The following STK38L variants were observed in gnomAD, a reference collection of about 807,000 sequenced individuals.
STK38L encodes the protein serine/threonine-protein kinase 38-like.
Under a neutral mutation model 59.7 loss-of-function variants are expected in STK38L, and 28 were observed. The observed-to-expected ratio is 0.47, with a 90% CI of 0.35 to 0.64. STK38L has a LOEUF of 0.64. Among genes scored for constraint, STK38L ranks in the 30% least tolerant of loss-of-function variants. The pLI, the probability that STK38L is intolerant of heterozygous loss-of-function variation, is 0.01. For missense variants in STK38L, 314 were observed against 555.8 expected (o/e 0.56, Z 4.37); for synonymous variants, 162 against 176.8 (o/e 0.92, Z 0.66).
rs940284305 is a variant in STK38L, at chr12:27,319,547, G to A, written c.1175+124G>A. The A allele has an allele frequency of 1.0e-4, 63 of 612,790 alleles. No homozygotes were observed. In the East Asian group the frequency reaches 1.8e-3, roughly 17 times the overall value. 38.0% of individuals were successfully genotyped at this position (612,790 alleles called of 1,614,324 possible). A position where few individuals can be genotyped will look rare whatever the true frequency, so the allele number is the denominator to read the frequency against. ...GTAACATATAATGTCATTAAGTGCA[G>A]TGTTTTCTGGATTATGTAAGTGAGT... On this transcript the variant is annotated intron_variant, in intron 12 of 13. Coordinates refer to ENST00000389032, the MANE Select transcript of STK38L (RefSeq NM_015000.4).
rs1205983990 is a variant in STK38L at position 27,312,521 on chromosome 12, T to G, written c.394-28T>G. 26 of 1,609,624 alleles carry G rather than the reference T, an allele frequency of 1.6e-5. No individual in the cohort carries two copies. The East Asian group carries it at 5.6e-4, about 35-fold the overall frequency. On this transcript the variant is annotated intron_variant, in intron 5 of 13. Coordinates refer to ENST00000389032, the MANE Select transcript of STK38L (RefSeq NM_015000.4). ...AACAAATGTGTGATGTATTTACAAT[T>G]ATTTTTTTCAAAAATATATTCATCT...
intron 2 of STK38L, among the ~76,000 whole-genome samples, chr12:27,301,450 C>T (rs950556133): frequency 6.6e-6 from 1 of 152,114 alleles, no homozygotes; most frequent in Non-Finnish European, 1.5e-5. Context: ...TTAGTAGACA[C>T]GGGGTTTCAC....
At chr12:27,247,548 A>G (rs536888665) in intron 1 of STK38L, among the ~76,000 whole-genome samples, 1 of 152,244 alleles carries the variant, frequency 6.6e-6, no homozygotes, top group Non-Finnish European at 1.5e-5. Context: ...AAATATAACT[A>G]TTGAGTGGGA....
chr12:27,310,556 AAAAT>A (rs959757607), intron 5 of STK38L, among the ~76,000 whole-genome samples: 16 of 147,680 alleles, frequency 1.1e-4, no homozygotes, highest in African/African-American at 3.0e-4. Flanking sequence ...GCTTGGTGCA[AAAAT>A]AAATAAATAA....
chr12:27,250,520 A>G (rs550198197), intron 1 of STK38L, among the ~76,000 whole-genome samples: 66 of 152,348 alleles, frequency 4.3e-4, no homozygotes, highest in African/African-American at 1.5e-3. Flanking sequence ...TATCAATGCC[A>G]GTAACCACTT....
At position 27,270,678 on chromosome 12, in the gene STK38L, C is replaced by T. The variant is rs373225237; in HGVS notation, c.-12+26346C>T. 3.2e-4 allele frequency among the ~76,000 whole-genome samples: 49 copies of T among 152,032 alleles called. No homozygotes were observed. In the South Asian group the frequency reaches 9.4e-3, roughly 29 times the overall value. On this transcript the variant is annotated intron_variant, in intron 1 of 13. Coordinates refer to ENST00000389032, the MANE Select transcript of STK38L (RefSeq NM_015000.4). The stretch of plus-strand genomic sequence containing the variant: ...CAGACGTGAGCCACCGCACCCAGCG[C>T]TTTTAAATTTTTTTTTATGGAGACA...
At chr12:27,290,618 A>G (rs1943876011) in intron 1 of STK38L, among the ~76,000 whole-genome samples, 1 of 152,186 alleles carries the variant, frequency 6.6e-6, no homozygotes, top group African/African-American at 2.4e-5. Context: ...TACTATCTTA[A>G]TTAGTCCCTC....
At chr12:27,285,089 C>T (rs1324022024) in intron 1 of STK38L, among the ~76,000 whole-genome samples, 3 of 152,098 alleles carry the variant, frequency 2.0e-5, no homozygotes, top group Non-Finnish European at 4.4e-5. Context: ...AAATTGTGAG[C>T]TTCGTGATAC....
chr12:27,278,415 G>A (rs957356024), intron 1 of STK38L, among the ~76,000 whole-genome samples: 2 of 152,108 alleles, frequency 1.3e-5, no homozygotes, highest in Non-Finnish European at 2.9e-5. Flanking sequence ...TTGTTTATAT[G>A]CTAATTGTTT....
chr12:27,261,005 G>T (rs1943193530), intron 1 of STK38L, among the ~76,000 whole-genome samples: 3 of 152,118 alleles, frequency 2.0e-5, no homozygotes, highest in African/African-American at 7.2e-5. Context: ...TGAACATTTT[G>T]TAATTTTTGT....
intron 1 of STK38L, among the ~76,000 whole-genome samples, chr12:27,291,080 T>C (rs1031983421): frequency 6.6e-6 from 1 of 152,200 alleles, no homozygotes; most frequent in African/African-American, 2.4e-5. Context: ...GAGAATTAAA[T>C]GCTTCTAAGA....
chr12:27,320,816 C>T (rs2346054), intron 12 of STK38L, among the ~76,000 whole-genome samples: 1 of 145,332 alleles, frequency 6.9e-6, no homozygotes, highest in African/African-American at 2.5e-5. Context: ...GAGTCTCACT[C>T]TGTCGCCCAG....
rs150656376 is a variant in STK38L, at chr12:27,253,358, C to A, written c.-12+9026C>A. 9.2e-5 allele frequency among the ~76,000 whole-genome samples: 14 copies of A among 152,180 alleles called. No homozygotes were observed. The East Asian group carries it at 2.7e-3, about 29-fold the overall frequency. ...AAAGAGAGTCCAGAAATGGGAAGAC[C>A]AGTGAAGAGACAAATAATCTAGGTG... On this transcript the variant is annotated intron_variant, in intron 1 of 13. Transcript: ENST00000389032.
intron 1 of STK38L, among the ~76,000 whole-genome samples, chr12:27,263,805 T>C (rs565478587): frequency 6.6e-5 from 10 of 152,310 alleles, no homozygotes; most frequent in Admixed American, 5.2e-4. Flanking sequence ...TAATAGAAGA[T>C]GACAACATAC....
chr12:27,248,702 T>C (rs1226554277), intron 1 of STK38L, among the ~76,000 whole-genome samples: 2 of 152,172 alleles, frequency 1.3e-5, no homozygotes, highest in Non-Finnish European at 2.9e-5. Flanking sequence ...CTTGACTCAA[T>C]GGGGTAGGTT....
intron 9 of STK38L, among the ~76,000 whole-genome samples, chr12:27,315,646 G>T (rs1462967565): frequency 1.3e-5 from 2 of 152,186 alleles, no homozygotes; most frequent in Admixed American, 6.5e-5. Flanking sequence ...CAATTGTAAT[G>T]AATGCCTTGT....
At position 27,308,382 on chromosome 12, in the gene STK38L, T is replaced by A; in HGVS notation, c.230T>A (p.Phe77Tyr). The A allele has an allele frequency of 6.3e-7, 1 of 1,599,178 alleles. No homozygotes were observed. The highest frequency in any genetic ancestry group is 8.5e-7 in the Non-Finnish European group (1 of 1,171,232). The change falls in exon 4 of 14, where the codon TTC becomes TAC. Residue 77 changes from phenylalanine to tyrosine, a missense_variant. By Grantham distance (22) the Phe-to-Tyr change is conservative (BLOSUM62 3). Around this residue, in one of 3 missense-constraint regions of STK38L, gnomAD observed 192 missense variants for 316.9 expected, o/e 0.61. Coordinates refer to ENST00000389032, the MANE Select transcript of STK38L (RefSeq NM_015000.4). The surrounding 1 kb of genome is among the most constrained non-coding windows in gnomAD (Gnocchi z 4.5). ...CAACACGCTCGCAAAGAAACAGAGT[T>A]CTTACGGCTCAAAAGGACCAGACTT... ...RSQHARKETE[F>Y]LRLKRTRLGL...
At chr12:27,259,399 G>A (rs574998499) in intron 1 of STK38L, among the ~76,000 whole-genome samples, 8 of 152,176 alleles carry the variant, frequency 5.3e-5, no homozygotes, top group South Asian at 4.2e-4. Context: ...TTTTATGGCC[G>A]CTTCACGTGT....
At chr12:27,302,808 C>G (rs1177025460) in intron 3 of STK38L, among the ~76,000 whole-genome samples, 1 of 151,414 alleles carries the variant, frequency 6.6e-6, no homozygotes, top group Non-Finnish European at 1.5e-5. Context: ...ATCACGAGGT[C>G]AGGAGATCGA....
Sources: allele counts gnomAD v4.1 joint callset (sites outside exome capture counted in the v4.1 genomes callset), GRCh38; gene constraint gnomAD v4.1.1; regional missense constraint gnomAD v4.1.1; non-coding constraint Gnocchi (gnomAD v3.1); transcripts MANE v1.5; gene names NCBI Gene and HGNC (gene_info 2026-07-23, HGNC 2026-07-21).